Variants in GRB10 observed in about 807,000 individuals in gnomAD.
GRB10 encodes the protein growth factor receptor bound protein 10, also known as growth factor receptor-bound protein 10.
A neutral mutation model predicts 80.9 loss-of-function variants in GRB10; 20 were observed. The observed-to-expected ratio is 0.25, with a 90% confidence interval of 0.17 to 0.36. GRB10 has a LOEUF of 0.36. GRB10 is among the 10% of genes least tolerant of loss of function. The probability of loss-of-function intolerance (pLI) is 1.00; values close to 1 mark genes in which losing one functional copy is unlikely to be tolerated. For synonymous variants in GRB10, 291 were observed against 291.5 expected, an observed-to-expected ratio of 1.00 and a Z score of 0.02; for missense variants, 548 against 747.7, an observed-to-expected ratio of 0.73 and a Z score of 3.12.
At chr7:50,762,774 A>G (rs6593171) in intron 2 of GRB10, among the ~76,000 whole-genome samples, 138,207 of 152,286 alleles carry the variant, frequency 0.91, 62,866 homozygotes, top group African/African-American at 0.96. Flanking sequence ...AGCCATGAAG[A>G]AAAAACTAAC....
chr7:50,761,247 A>G (rs2075734163), intron 2 of GRB10, among the ~76,000 whole-genome samples: 1 of 152,268 alleles, frequency 6.6e-6, no homozygotes, highest in Non-Finnish European at 1.5e-5. Flanking sequence ...TTAATAAAAT[A>G]TCATTTCTAC....
At chr7:50,738,005 G>A (rs1456588741) in intron 3 of GRB10, among the ~76,000 whole-genome samples, 3 of 152,118 alleles carry the variant, frequency 2.0e-5, no homozygotes, top group Admixed American at 6.5e-5. Context: ...TGGCCAAAAC[G>A]CACATGAAAA....
chr7:50,728,196 T>C (rs1587566432), intron 4 of GRB10, among the ~76,000 whole-genome samples: 1 of 118,438 alleles, frequency 8.4e-6, no homozygotes, highest in Non-Finnish European at 1.7e-5. Flanking sequence ...TCTAATAAAA[T>C]GTTCTTTAGC....
At position 50,732,310 on chromosome 7, in the gene GRB10, C is replaced by T. The variant is rs560871180; in HGVS notation, c.13G>A (p.Gly5Ser). Reference sequence around the variant, plus strand: ...TGGTGCAAAAAGGAATCTGGGCAGCCGGCTAAAGCCATGGGTTCCTTCTGC... The same window carrying T: ...TGGTGCAAAAAGGAATCTGGGCAGCTGGCTAAAGCCATGGGTTCCTTCTGC... MALA[G>S]CPDSFLHHPY... The change falls in exon 4 of 19, where the codon GGC (glycine) becomes AGC (serine). Residue 5 changes from glycine to serine, a missense_variant. Gly to Ser is a moderately conservative substitution (Grantham distance 56). Around this residue, in one of 4 missense-constraint regions of GRB10, gnomAD observed 245 missense variants for 229.3 expected, o/e 1.07. Coordinates refer to ENST00000401949, the MANE Select transcript of GRB10 (RefSeq NM_001350814.2). 4.3e-6 allele frequency: 7 copies of T among 1,614,046 alleles called. No individual in the cohort carries two copies. The highest frequency in any genetic ancestry group is 4.5e-5 in the East Asian group (2 of 44,866).
chr7:50,713,353 T>A (rs1260460292), intron 4 of GRB10, among the ~76,000 whole-genome samples: 1 of 150,982 alleles, frequency 6.6e-6, no homozygotes, highest in Non-Finnish European at 1.5e-5. Context: ...TCCATCTCCA[T>A]CACTTCTCCT....
chr7:50,691,515 G>A (rs1026045148), intron 5 of GRB10, among the ~76,000 whole-genome samples: 8 of 152,148 alleles, frequency 5.3e-5, no homozygotes, highest in Non-Finnish European at 8.8e-5. Flanking sequence ...AATAGGTTAG[G>A]AACCTACTAC....
chr7:50,785,394 G>A (rs73697741), upstream of GRB10, among the ~76,000 whole-genome samples: 6 of 152,132 alleles, frequency 3.9e-5, no homozygotes, highest in African/African-American at 1.2e-4. Context: ...CTATTGAGCC[G>A]CATCTGATGG....
At chr7:50,608,571 C>G (rs764490019) in intron 13 of GRB10, among the ~76,000 whole-genome samples, 4 of 152,062 alleles carry the variant, frequency 2.6e-5, no homozygotes, top group Non-Finnish European at 4.4e-5. Context: ...GACAAGAATC[C>G]TTCAAAAGGG....
intron 4 of GRB10, among the ~76,000 whole-genome samples, chr7:50,708,960 C>G (rs2065452725): frequency 6.6e-6 from 1 of 152,178 alleles, no homozygotes; most frequent in Non-Finnish European, 1.5e-5. Flanking sequence ...AGGCGTGAGC[C>G]ACAGTACCCA....
In GRB10 at chr7:50,707,275, C is replaced by A. The variant is rs555778881; in HGVS notation, c.52-3367G>T. Among the ~76,000 whole-genome samples the A allele has an allele frequency of 6.6e-5, 10 of 152,268 alleles. No homozygotes were observed. In the South Asian group the frequency reaches 1.0e-3, roughly 16 times the overall value. On this transcript the variant is annotated intron_variant, in intron 4 of 18. Transcript: ENST00000401949. ...GAGAAAATACAATGACTCCTTCCCC[C>A]CAAAAGTAGTTGATCAGTTCTACCA...
chr7:50,613,721 C>T (rs1369569670), intron 12 of GRB10, among the ~76,000 whole-genome samples: 1 of 152,180 alleles, frequency 6.6e-6, no homozygotes, highest in Non-Finnish European at 1.5e-5. Context: ...GCTGCTCATA[C>T]CTCCAGCCCC....
At chr7:50,789,825 CTG>C (rs1343343359) in intron 1 of GRB10, among the ~76,000 whole-genome samples, 1 of 152,198 alleles carries the variant, frequency 6.6e-6, no homozygotes, top group Non-Finnish European at 1.5e-5. Flanking sequence ...ATTTCTACCT[CTG>C]AGATTATTTT....
intron 5 of GRB10, among the ~76,000 whole-genome samples, chr7:50,696,243 G>A (rs1295154003): frequency 6.6e-6 from 1 of 152,152 alleles, no homozygotes; most frequent in African/African-American, 2.4e-5. Context: ...CAAGGCTTTT[G>A]TTAGACAGTA....
At chr7:50,604,922 T>G (rs1189390556) in intron 15 of GRB10, 1 of 310,418 alleles carries the variant, frequency 3.2e-6, no homozygotes, top group Non-Finnish European at 6.0e-6. Flanking sequence ...AGGCTGTTAG[T>G]AGCAGACCTT....
Position 50,605,352 on chromosome 7 carries a change from G to A in GRB10, c.1327C>T (p.Arg443Cys), listed in dbSNP as rs1387679361. 3 of 1,614,188 alleles carry A rather than the reference G, an allele frequency of 1.9e-6. No individual in the cohort carries two copies. Among genetic ancestry groups the A allele is most frequent in the Non-Finnish European group, 8.5e-7 (1 of 1,180,038 alleles). ...VAMDFSGQTG[R>C]VIENPAEAQS... ...GCCTCTGCCGGATTCTCTATCACGC[G>A]TCCTGTTTGCCCAGAAAAATCCATT... The change falls in exon 15 of 19, where the codon CGC (arginine) becomes TGC (cysteine). Residue 443 changes from arginine to cysteine, a missense_variant. This residue lies in a region of GRB10 where 270 missense variants were observed against 433.6 expected (regional missense o/e 0.62). Transcript: ENST00000401949.
At chr7:50,704,608 T>G (rs17133980) in intron 4 of GRB10, among the ~76,000 whole-genome samples, 1,574 of 152,328 alleles carry the variant, frequency 0.01, 25 homozygotes, top group African/African-American at 0.034. Context: ...CTACTGTAAT[T>G]AGAAAGGTTT....
At chr7:50,635,199 T>A (rs942453991) in intron 7 of GRB10, among the ~76,000 whole-genome samples, 2 of 152,190 alleles carry the variant, frequency 1.3e-5, no homozygotes, top group Non-Finnish European at 1.5e-5. Context: ...GACCACAGTG[T>A]AATAAAATTA....
chr7:50,756,389 G>A (rs781364153), intron 2 of GRB10, among the ~76,000 whole-genome samples: 1 of 152,218 alleles, frequency 6.6e-6, no homozygotes, highest in Non-Finnish European at 1.5e-5. Flanking sequence ...GCAAGGCAAA[G>A]TTACCTAGAA....
chr7:50,733,649 C>T (rs982468204), intron 3 of GRB10, among the ~76,000 whole-genome samples: 5 of 152,206 alleles, frequency 3.3e-5, no homozygotes, highest in Admixed American at 2.6e-4. Context: ...GAACTGTGCC[C>T]GCATCCACCC....
Sources: allele counts gnomAD v4.1 joint callset (sites outside exome capture counted in the v4.1 genomes callset), GRCh38; gene constraint gnomAD v4.1.1; regional missense constraint gnomAD v4.1.1; transcripts MANE v1.5; gene names NCBI Gene and HGNC (gene_info 2026-07-23, HGNC 2026-07-21).